MAGI1: variants seen among roughly 807,000 people sequenced by gnomAD.
MAGI1 encodes the protein membrane associated guanylate kinase, WW and PDZ domain containing 1.
In MAGI1, 58 loss-of-function variants were observed where a neutral mutation model predicts 139.9. That is an observed-to-expected ratio of 0.41 (90% confidence interval 0.34 to 0.52). The LOEUF is 0.52. Ranked by LOEUF, MAGI1 falls within the 20% of genes least tolerant of loss-of-function variation. The pLI is 0.12. For synonymous variants in MAGI1, 812 were observed against 737.9 expected, an observed-to-expected ratio of 1.10 and a Z score of -1.63; for missense variants, 1,874 against 1,901.6, an observed-to-expected ratio of 0.99 and a Z score of 0.27.
At chr3:65,944,108 T>A (rs1438363101) in intron 1 of MAGI1, among the ~76,000 whole-genome samples, 2 of 152,200 alleles carry the variant, frequency 1.3e-5, no homozygotes, top group Admixed American at 6.5e-5. Context: ...GAATCCTGGT[T>A]CAACTCCATT....
At chr3:65,616,932 C>T (rs1009539759) in intron 2 of MAGI1, among the ~76,000 whole-genome samples, 2 of 152,176 alleles carry the variant, frequency 1.3e-5, no homozygotes, top group African/African-American at 4.8e-5. Context: ...TTAGGCAAGC[C>T]ATCCTGGAAA....
In MAGI1 at chr3:65,990,058, C is replaced by CTGA. The variant is rs1374739380; in HGVS notation, c.313+47935_313+47937dup. Among the ~76,000 whole-genome samples, 49 of 151,876 alleles carry CTGA rather than the reference C, an allele frequency of 3.2e-4. No homozygotes were observed. The East Asian group carries it at 6.4e-3, about 20-fold the overall frequency. On this transcript the variant is annotated intron_variant, in intron 1 of 22. Coordinates refer to ENST00000402939, the MANE Select transcript of MAGI1 (RefSeq NM_001033057.2). ...TCAAGAATGACTAAAGTCTAGAGATCTGATGATGATGATGATGATAATGAA... is the reference window on the plus strand; with the variant it reads ...TCAAGAATGACTAAAGTCTAGAGATCTGATGATGATGATGATGATGATAATGAA...
At chr3:65,664,635 A>T (rs552058714) in intron 1 of MAGI1, among the ~76,000 whole-genome samples, 209 of 152,266 alleles carry the variant, frequency 1.4e-3, no homozygotes, top group Non-Finnish European at 2.1e-3. Flanking sequence ...TACTCACTGA[A>T]TTTTATTTGA....
intron 2 of MAGI1, among the ~76,000 whole-genome samples, chr3:65,548,968 G>A (rs1156392531): frequency 6.6e-6 from 1 of 152,202 alleles, no homozygotes; most frequent in African/African-American, 2.4e-5. Context: ...TCAACCCACT[G>A]GAGCCAAAGT....
chr3:65,864,856 G>C (rs1258279194), intron 1 of MAGI1, among the ~76,000 whole-genome samples: 2 of 152,066 alleles, frequency 1.3e-5, no homozygotes, highest in East Asian at 3.9e-4. Flanking sequence ...ACAAATATTG[G>C]GAAAATCAAT....
At chr3:65,639,434 G>A (rs535037766) in intron 1 of MAGI1, among the ~76,000 whole-genome samples, 2 of 152,252 alleles carry the variant, frequency 1.3e-5, no homozygotes, top group South Asian at 2.1e-4. Context: ...GAGTCAGGGG[G>A]CCTGGATTTG....
chr3:65,372,005 T>C, intron 18 of MAGI1: 1 of 321,152 alleles, frequency 3.1e-6, no homozygotes, highest in Non-Finnish European at 6.2e-6. Flanking sequence ...TTCTAAAATC[T>C]TGTTAAGGTC....
intron 1 of MAGI1, among the ~76,000 whole-genome samples, chr3:65,937,405 C>A (rs1315754774): frequency 6.6e-6 from 1 of 152,162 alleles, no homozygotes; most frequent in Non-Finnish European, 1.5e-5. Flanking sequence ...CCTTCCCCAG[C>A]TGGCTCACCA....
intron 1 of MAGI1, among the ~76,000 whole-genome samples, chr3:65,746,452 A>G (rs2035716901): frequency 6.6e-6 from 1 of 152,220 alleles, no homozygotes; most frequent in African/African-American, 2.4e-5. Context: ...ATGCAAGTAT[A>G]TGGAGTCACT....
intron 1 of MAGI1, among the ~76,000 whole-genome samples, chr3:65,847,488 T>C (rs1158335996): frequency 6.6e-6 from 1 of 152,226 alleles, no homozygotes; most frequent in Admixed American, 6.5e-5. Context: ...TTCATATTCA[T>C]ATAATTCTAA....
intron 12 of MAGI1, among the ~76,000 whole-genome samples, chr3:65,408,511 A>C (rs1945531733): frequency 6.6e-6 from 1 of 152,166 alleles, no homozygotes; most frequent in African/African-American, 2.4e-5. Flanking sequence ...GGGGTGCAGG[A>C]AAGACAAATT....
At position 65,756,077 on chromosome 3, in the gene MAGI1, C is replaced by T. The variant is rs749397698; in HGVS notation, c.314-133989G>A. On this transcript the variant is annotated intron_variant, in intron 1 of 22. Transcript: ENST00000402939. ...TAACTGGGAACAACTACACAATGTTCGTGAAGTTAAAAATTATCGTGTCGG... is the reference window on the plus strand; with the variant it reads ...TAACTGGGAACAACTACACAATGTTTGTGAAGTTAAAAATTATCGTGTCGG... Among the ~76,000 whole-genome samples, 6 of 152,152 alleles carry T rather than the reference C, an allele frequency of 3.9e-5. No homozygotes were observed. The South Asian group carries it at 6.2e-4, about 16-fold the overall frequency.
chr3:65,971,514 A>G (rs1042342649), intron 1 of MAGI1, among the ~76,000 whole-genome samples: 2 of 152,316 alleles, frequency 1.3e-5, no homozygotes, highest in African/African-American at 4.8e-5. Flanking sequence ...AGTCACTCCA[A>G]GCTGGCAGCC....
At chr3:65,784,669 C>T (rs1420384438) in intron 1 of MAGI1, among the ~76,000 whole-genome samples, 1 of 151,346 alleles carries the variant, frequency 6.6e-6, no homozygotes, top group African/African-American at 2.5e-5. Flanking sequence ...CGCGCCACTG[C>T]ACTCCAGCCT....
chr3:65,892,150 C>T (rs1182992586), intron 1 of MAGI1, among the ~76,000 whole-genome samples: 5 of 151,608 alleles, frequency 3.3e-5, no homozygotes, highest in Admixed American at 3.3e-4. Context: ...ACACATAACA[C>T]GAAAACTTCT....
intron 1 of MAGI1, among the ~76,000 whole-genome samples, chr3:65,805,797 T>C (rs747204076): frequency 7.2e-5 from 11 of 152,144 alleles, no homozygotes; most frequent in African/African-American, 2.4e-4. Context: ...GGGACATAGA[T>C]GGAGCTGGAA....
chr3:65,962,811 CGA>C (rs1247400654), intron 1 of MAGI1, among the ~76,000 whole-genome samples: 1 of 118,594 alleles, frequency 8.4e-6, no homozygotes, highest in African/African-American at 3.5e-5. Context: ...GGCAACAGAG[CGA>C]GACTCTGTCT....
chr3:65,551,549 C>T (rs2079833685), intron 2 of MAGI1, among the ~76,000 whole-genome samples: 1 of 152,196 alleles, frequency 6.6e-6, no homozygotes, highest in Non-Finnish European at 1.5e-5. Context: ...ATCCGCCCGC[C>T]TCGGCCTCCC....
intron 2 of MAGI1, among the ~76,000 whole-genome samples, chr3:65,515,424 A>G (rs185318252): frequency 2.1e-4 from 32 of 149,630 alleles, no homozygotes; most frequent in African/African-American, 7.2e-4. Flanking sequence ...AACATCTAAG[A>G]AAAAAAGTGG....
Sources: allele counts gnomAD v4.1 joint callset (sites outside exome capture counted in the v4.1 genomes callset), GRCh38; gene constraint gnomAD v4.1.1; transcripts MANE v1.5; gene names NCBI Gene and HGNC (gene_info 2026-07-23, HGNC 2026-07-21).